The following CSMD3 variants were observed in gnomAD, a reference collection of about 807,000 sequenced individuals.
CSMD3 encodes the protein CUB and Sushi multiple domains 3, also known as CUB and sushi domain-containing protein 3.
A neutral mutation model predicts 435.2 loss-of-function variants in CSMD3; 177 were observed. That is an observed-to-expected ratio of 0.41 (90% confidence interval 0.36 to 0.46). The LOEUF (loss-of-function observed/expected upper bound fraction) is 0.46, where lower values mean the gene tolerates loss of function less well. Ranked by LOEUF, CSMD3 falls within the 20% of genes least tolerant of loss-of-function variation. The probability of loss-of-function intolerance (pLI) is 0.34; values close to 1 mark genes in which losing one functional copy is unlikely to be tolerated. For missense variants in CSMD3, 4,265 were observed against 4,504.6 expected, an observed-to-expected ratio of 0.95 and a Z score of 1.52; for synonymous variants, 1,656 against 1,520.5, an observed-to-expected ratio of 1.09 and a Z score of -2.07.
At chr8:112,485,556 G>C (rs1820043923) in intron 31 of CSMD3, among the ~76,000 whole-genome samples, 1 of 151,994 alleles carries the variant, frequency 6.6e-6, no homozygotes, top group African/African-American at 2.4e-5. Context: ...TTGACATAAG[G>C]ATCTTAGCAC....
chr8:112,968,745 A>G (rs776297189), intron 7 of CSMD3, among the ~76,000 whole-genome samples: 2 of 151,982 alleles, frequency 1.3e-5, no homozygotes, highest in Non-Finnish European at 2.9e-5. Flanking sequence ...TATGCAATAT[A>G]CTTTTGAATT....
chr8:112,892,513 T>C (rs1033422761), intron 10 of CSMD3, among the ~76,000 whole-genome samples: 8 of 151,540 alleles, frequency 5.3e-5, no homozygotes. Context: ...TGCCCTTCAA[T>C]AAAAGGAAGA....
intron 30 of CSMD3, among the ~76,000 whole-genome samples, chr8:112,502,630 T>C (rs1014687936): frequency 1.3e-5 from 2 of 152,052 alleles, no homozygotes; most frequent in African/African-American, 2.4e-5. Context: ...CCTGTTCCTA[T>C]GGCAAATGCA....
At chr8:113,148,381 G>A (rs1490371226) in intron 4 of CSMD3, among the ~76,000 whole-genome samples, 1 of 151,584 alleles carries the variant, frequency 6.6e-6, no homozygotes, top group East Asian at 1.9e-4. Context: ...CCACAACCCT[G>A]CGGATCAGTT....
intron 5 of CSMD3, among the ~76,000 whole-genome samples, chr8:113,038,787 T>G (rs150518013): frequency 6.6e-6 from 1 of 152,286 alleles, no homozygotes; most frequent in Admixed American, 6.5e-5. Flanking sequence ...CCAACATGCA[T>G]TTGCCTCTGG....
chr8:112,280,383 A>C (rs73341073), intron 59 of CSMD3, among the ~76,000 whole-genome samples: 6,546 of 151,824 alleles, frequency 0.043, 234 homozygotes, highest in East Asian at 0.15. Flanking sequence ...TGATCCTCTC[A>C]TCTCAGCCTC....
chr8:112,741,223 G>C (rs754714338), intron 13 of CSMD3, among the ~76,000 whole-genome samples: 1 of 151,798 alleles, frequency 6.6e-6, no homozygotes, highest in Non-Finnish European at 1.5e-5. Context: ...ATCTGATAAA[G>C]CGTTAATATC....
intron 10 of CSMD3, among the ~76,000 whole-genome samples, chr8:112,868,646 T>C (rs528701509): frequency 1.3e-5 from 2 of 152,244 alleles, no homozygotes; most frequent in African/African-American, 4.8e-5. Flanking sequence ...AACAGTATGG[T>C]ACTGGCATAA....
In CSMD3 at chr8:113,057,267, A is replaced by C. The variant is rs77858924; in HGVS notation, c.918-38088T>G. The stretch of plus-strand genomic sequence containing the variant: ...ATAATTTCAGAAGCCCTGGCCTTAG[A>C]ATGTAAGAGTCATGCAACCAGAGAC... On this transcript the variant is annotated intron_variant, in intron 5 of 70. Transcript: ENST00000297405. Among the ~76,000 whole-genome samples, 12 of 152,248 alleles carry C rather than the reference A, an allele frequency of 7.9e-5. No homozygotes were observed. In the East Asian group the frequency reaches 2.3e-3, roughly 29 times the overall value.
chr8:113,429,929 A>T (rs2094660568), intron 1 of CSMD3, among the ~76,000 whole-genome samples: 1 of 152,224 alleles, frequency 6.6e-6, no homozygotes, highest in Non-Finnish European at 1.5e-5. Flanking sequence ...ATTTGTGACA[A>T]GATGAATGAA....
chr8:112,628,988 G>T (rs940594168), intron 22 of CSMD3, among the ~76,000 whole-genome samples: 1 of 152,064 alleles, frequency 6.6e-6, no homozygotes, highest in Admixed American at 6.6e-5. Flanking sequence ...CATCACAGGA[G>T]GTTCTTTCTG....
At chr8:112,812,591 C>G (rs575116957) in intron 12 of CSMD3, among the ~76,000 whole-genome samples, 1 of 152,190 alleles carries the variant, frequency 6.6e-6, no homozygotes, top group Non-Finnish European at 1.5e-5. Context: ...GCCTCGGTCT[C>G]TCACTCTGCT....
At chr8:113,168,436 G>A (rs111790306) in intron 4 of CSMD3, among the ~76,000 whole-genome samples, 5 of 141,260 alleles carry the variant, frequency 3.5e-5, no homozygotes, top group Middle Eastern at 7.2e-3. Flanking sequence ...CAGGAGAATC[G>A]CTTGAACCTG....
chr8:113,377,005 ATCT>A lies in CSMD3; in HGVS notation c.178+59669_178+59671del, dbSNP rs1436938377. 8.1e-6 allele frequency: 6 copies of A among 739,456 alleles called. No individual in the cohort carries two copies. The East Asian group carries it at 2.8e-4, about 34-fold the overall frequency. The allele number at this position is 739,456 out of a possible 1,614,324, so 45.8% of individuals were successfully genotyped here. A position where few individuals can be genotyped will look rare whatever the true frequency, so the allele number is the denominator to read the frequency against. On this transcript the variant is annotated intron_variant, in intron 1 of 70. Coordinates refer to ENST00000297405, the MANE Select transcript of CSMD3 (RefSeq NM_198123.2). ...CATGACCAGCCGGGCCCGCAGCCAC[ATCT>A]TCTAGGGAGTGGGGTGGGGTGGGGG...
rs191170963 is a variant in CSMD3, at chr8:112,710,012, G to T, written c.1973-19962C>A. 2.1e-4 allele frequency among the ~76,000 whole-genome samples: 32 copies of T among 152,020 alleles called. No individual in the cohort carries two copies. The East Asian group carries it at 6.2e-3, about 29-fold the overall frequency. ...CAAAATTTAAAAATTCTTCCTTAAG[G>T]ACGTGTAAGCCATTTCTTTAAAATA... On this transcript the variant is annotated intron_variant, in intron 13 of 70. Coordinates refer to ENST00000297405, the MANE Select transcript of CSMD3 (RefSeq NM_198123.2).
chr8:112,616,235 A>T (rs1307645751), intron 22 of CSMD3, among the ~76,000 whole-genome samples: 1 of 151,976 alleles, frequency 6.6e-6, no homozygotes, highest in Non-Finnish European at 1.5e-5. Flanking sequence ...ATGGATTTGG[A>T]ACAGAGTCGT....
chr8:112,411,630 T>C (rs1811362892), intron 32 of CSMD3, among the ~76,000 whole-genome samples: 1 of 152,074 alleles, frequency 6.6e-6, no homozygotes, highest in South Asian at 2.1e-4. Flanking sequence ...CACATTATCA[T>C]ATTAGCTATT....
intron 3 of CSMD3, among the ~76,000 whole-genome samples, chr8:113,197,745 G>A (rs7833634): frequency 0.68 from 103,062 of 150,968 alleles, 36,991 homozygotes; most frequent in East Asian, 0.95. Context: ...TCATTTTTCT[G>A]TCAATAATAA....
chr8:112,920,473 T>G (rs1276832678), intron 10 of CSMD3, among the ~76,000 whole-genome samples: 2 of 151,952 alleles, frequency 1.3e-5, no homozygotes, highest in Non-Finnish European at 2.9e-5. Flanking sequence ...TTCTATACTC[T>G]GTCACAAGTC....
Sources: allele counts gnomAD v4.1 joint callset (sites outside exome capture counted in the v4.1 genomes callset), GRCh38; gene constraint gnomAD v4.1.1; transcripts MANE v1.5; gene names NCBI Gene and HGNC (gene_info 2026-07-23, HGNC 2026-07-21).